Variants in NRXN1 observed in about 807,000 individuals in gnomAD.
NRXN1 encodes neurexin-1.
Under a neutral mutation model 150.9 loss-of-function variants are expected in NRXN1, and 39 were observed. That is an observed-to-expected ratio of 0.26 (90% confidence interval 0.20 to 0.34). The LOEUF (loss-of-function observed/expected upper bound fraction) is 0.34, where lower values mean the gene tolerates loss of function less well. NRXN1 is among the 10% of genes least tolerant of loss of function. NRXN1 has a pLI of 1.00. For synonymous variants in NRXN1, 924 were observed against 757.0 expected (o/e 1.22, Z -3.62); for missense variants, 1,815 against 1,949.9 (o/e 0.93, Z 1.30).
At position 50,343,369 on chromosome 2, in the gene NRXN1, T is replaced by C. The variant is rs114643002; in HGVS notation, c.3365-106399A>G. Among the ~76,000 whole-genome samples the C allele has an allele frequency of 3.7e-3, 561 of 152,352 alleles. 5 individuals carry two copies. Among genetic ancestry groups the C allele is most frequent in the African/African-American group, 0.013 (521 of 41,578 alleles). ...AGTACTGGCTGAGCACACTGGTCTATTCTGGACTCTTGTTGGCGTTAAGTA... is the reference window on the plus strand; with the variant it reads ...AGTACTGGCTGAGCACACTGGTCTACTCTGGACTCTTGTTGGCGTTAAGTA... On this transcript the variant is annotated intron_variant, in intron 17 of 22. Coordinates refer to ENST00000401669, the MANE Select transcript of NRXN1 (RefSeq NM_001330078.2).
chr2:50,397,475 G>C (rs992959496), intron 17 of NRXN1, among the ~76,000 whole-genome samples: 5 of 152,090 alleles, frequency 3.3e-5, no homozygotes, highest in Non-Finnish European at 7.4e-5. Context: ...GCAACGAGTA[G>C]GTGCCATTAT....
intron 17 of NRXN1, among the ~76,000 whole-genome samples, chr2:50,361,838 C>T (rs537059725): frequency 5.1e-4 from 78 of 152,160 alleles, no homozygotes; most frequent in African/African-American, 1.9e-3. Context: ...AACATCGATG[C>T]GAAAATCCTC....
At chr2:50,114,683 A>G (rs1415648352) in intron 18 of NRXN1, among the ~76,000 whole-genome samples, 2 of 151,402 alleles carry the variant, frequency 1.3e-5, no homozygotes, top group East Asian at 1.9e-4. Flanking sequence ...GTGCTAAAAG[A>G]AATGGGCTAT....
intron 5 of NRXN1, among the ~76,000 whole-genome samples, chr2:50,696,573 A>G (rs979355359): frequency 2.2e-4 from 34 of 152,084 alleles, no homozygotes; most frequent in African/African-American, 7.7e-4. Context: ...TCTTCTTCCA[A>G]TGTCTATTTA....
intron 17 of NRXN1, among the ~76,000 whole-genome samples, chr2:50,393,933 C>G (rs983248328): frequency 1.3e-5 from 2 of 152,088 alleles, no homozygotes; most frequent in Non-Finnish European, 2.9e-5. Context: ...TTGCCATTTT[C>G]TAGGTTTTGT....
chr2:50,778,752 T>A (rs1703979438), intron 5 of NRXN1, among the ~76,000 whole-genome samples: 1 of 152,154 alleles, frequency 6.6e-6, no homozygotes. Flanking sequence ...TACCCAAATG[T>A]GCATATGTTT....
chr2:51,003,993 C>T (rs1035604408), intron 2 of NRXN1, among the ~76,000 whole-genome samples: 5 of 151,706 alleles, frequency 3.3e-5, no homozygotes, highest in African/African-American at 7.3e-5. Context: ...AGAATGCCTT[C>T]GCTCTTTATC....
chr2:50,855,400 G>C (rs911758114), intron 5 of NRXN1, among the ~76,000 whole-genome samples: 40 of 151,850 alleles, frequency 2.6e-4, no homozygotes, highest in African/African-American at 8.0e-4. Context: ...CCACTGACTT[G>C]TCCAGAATTA....
intron 18 of NRXN1, among the ~76,000 whole-genome samples, chr2:50,181,259 T>G (rs76189321): frequency 0.066 from 10,055 of 152,030 alleles, 389 homozygotes; most frequent in Middle Eastern, 0.11. Flanking sequence ...AACCTATGTA[T>G]TGCAATTAAT....
intron 18 of NRXN1, among the ~76,000 whole-genome samples, chr2:50,122,643 T>C (rs1041624846): frequency 6.6e-6 from 1 of 152,234 alleles, no homozygotes; most frequent in African/African-American, 2.4e-5. Flanking sequence ...GTGTGTTCCA[T>C]AACCCTTGCT....
At chr2:50,846,517 C>G (rs972000354) in intron 5 of NRXN1, among the ~76,000 whole-genome samples, 1 of 151,970 alleles carries the variant, frequency 6.6e-6, no homozygotes, top group African/African-American at 2.4e-5. Flanking sequence ...ATGTCTTTAC[C>G]CTTTAAAAGA....
intron 5 of NRXN1, among the ~76,000 whole-genome samples, chr2:50,800,216 T>C (rs1401952345): frequency 6.6e-6 from 1 of 152,158 alleles, no homozygotes; most frequent in Non-Finnish European, 1.5e-5. Flanking sequence ...CTATTTTCAA[T>C]TTCATTGCTG....
chr2:50,587,527 GT>G (rs1673373693), intron 8 of NRXN1, among the ~76,000 whole-genome samples: 1 of 152,040 alleles, frequency 6.6e-6, no homozygotes, highest in Non-Finnish European at 1.5e-5. Context: ...AAGTTGCCTT[GT>G]AACTGAAAAC....
intron 5 of NRXN1, among the ~76,000 whole-genome samples, chr2:50,757,007 A>G (rs762691849): frequency 6.6e-6 from 1 of 151,874 alleles, no homozygotes; most frequent in African/African-American, 2.4e-5. Flanking sequence ...AGCATGGTAT[A>G]CTAATGTGAG....
chr2:50,440,220 A>C (rs1217892280), intron 17 of NRXN1, among the ~76,000 whole-genome samples: 4 of 152,114 alleles, frequency 2.6e-5, no homozygotes, highest in African/African-American at 7.2e-5. Flanking sequence ...GCTGATTAGA[A>C]AGGGGGAAGG....
At chr2:50,074,741 A>C (rs372915541) in intron 19 of NRXN1, among the ~76,000 whole-genome samples, 5 of 152,302 alleles carry the variant, frequency 3.3e-5, no homozygotes, top group African/African-American at 1.2e-4. Flanking sequence ...GAAGAGTTGA[A>C]GTACATTATC....
chr2:49,963,776 C>T (rs543423164), intron 21 of NRXN1, among the ~76,000 whole-genome samples: 8 of 152,274 alleles, frequency 5.3e-5, no homozygotes, highest in Admixed American at 2.6e-4. Flanking sequence ...TGTCTATGAA[C>T]GGTGAATTAA....
At chr2:50,131,154 G>C (rs1194545639) in intron 18 of NRXN1, among the ~76,000 whole-genome samples, 1 of 152,158 alleles carries the variant, frequency 6.6e-6, no homozygotes, top group Non-Finnish European at 1.5e-5. Flanking sequence ...TTCCAAAAAT[G>C]TGTTCCTCAG....
intron 17 of NRXN1, among the ~76,000 whole-genome samples, chr2:50,463,769 A>G (rs2088506021): frequency 6.6e-6 from 1 of 151,824 alleles, no homozygotes; most frequent in Admixed American, 6.6e-5. Context: ...TGGCAACTGT[A>G]TGTAAAACAT....
Sources: gnomAD v4.1 joint callset for allele counts (sites outside exome capture counted in the v4.1 genomes callset) on GRCh38, gnomAD v4.1.1 for gene constraint, MANE v1.5 for transcripts, NCBI Gene and HGNC (gene_info 2026-07-23, HGNC 2026-07-21) for gene names.